GHR: variants seen among roughly 807,000 people sequenced by gnomAD.
GHR encodes growth hormone receptor.
A neutral mutation model predicts 67.1 loss-of-function variants in GHR; 35 were observed. That is an observed-to-expected ratio of 0.52 (90% confidence interval 0.40 to 0.69). The LOEUF is 0.69. GHR is among the 30% of genes least tolerant of loss of function. The pLI is 0.00. For synonymous variants in GHR, 272 were observed against 269.1 expected (o/e 1.01, Z -0.10); for missense variants, 792 against 764.6 (o/e 1.04, Z -0.42).
chr5:42,526,236 T>C (rs563834809), intron 1 of GHR, among the ~76,000 whole-genome samples: 1 of 150,640 alleles, frequency 6.6e-6, no homozygotes, highest in Admixed American at 6.6e-5. Flanking sequence ...AAAGTTTGAG[T>C]GGTCTGGATA....
chr5:42,571,979 C>G (rs1393740285), intron 2 of GHR, among the ~76,000 whole-genome samples: 1 of 152,214 alleles, frequency 6.6e-6, no homozygotes, highest in Non-Finnish European at 1.5e-5. Context: ...TTGGCCTTTA[C>G]TGGCCCAGCC....
At chr5:42,636,367 AAAC>A (rs1347808667) in intron 3 of GHR, among the ~76,000 whole-genome samples, 1 of 152,204 alleles carries the variant, frequency 6.6e-6, no homozygotes, top group Non-Finnish European at 1.5e-5. Flanking sequence ...AATTCAAGAC[AAAC>A]ATTCTTTCAC....
rs540686454 is a variant in GHR, at chr5:42,670,260, A to G, written c.137-18630A>G. ...GATTTTCAACAAAGATACCAAGAAC[A>G]CACAATGGGGAAAGACAGTGTCTTC... On this transcript the variant is annotated intron_variant, in intron 3 of 9. Transcript: ENST00000230882. Among the ~76,000 whole-genome samples, 15 of 152,338 alleles carry G rather than the reference A, an allele frequency of 9.8e-5. No individual in the cohort carries two copies. The East Asian group carries it at 2.9e-3, about 29-fold the overall frequency.
intron 2 of GHR, among the ~76,000 whole-genome samples, chr5:42,598,014 A>G (rs1240896003): frequency 6.6e-6 from 1 of 152,256 alleles, no homozygotes; most frequent in African/African-American, 2.4e-5. Context: ...AAAGGAAAGC[A>G]TGACTTGATT....
At chr5:42,532,278 G>A (rs1018724897) in intron 1 of GHR, among the ~76,000 whole-genome samples, 21 of 152,158 alleles carry the variant, frequency 1.4e-4, no homozygotes, top group African/African-American at 5.1e-4. Flanking sequence ...TTATTTTTCT[G>A]TGTAATATTT....
At chr5:42,468,793 G>C in intron 1 of GHR, 2 of 1,067,558 alleles carry the variant, frequency 1.9e-6, no homozygotes, top group East Asian at 2.5e-5. Flanking sequence ...GAAGGGGTCC[G>C]ATTAGTTGTC....
chr5:42,719,494 C>A lies in GHR; in HGVS notation c.*70C>A. 1 of 1,465,554 alleles carries A rather than the reference C, an allele frequency of 6.8e-7. No homozygotes were observed. Among genetic ancestry groups the A allele is most frequent in the Non-Finnish European group, 9.5e-7 (1 of 1,056,388 alleles). The allele number at this position is 1,465,554 out of a possible 1,614,324, so 90.8% of individuals were successfully genotyped here. A position where few individuals can be genotyped will look rare whatever the true frequency, so the allele number is the denominator to read the frequency against. On this transcript the variant is annotated 3_prime_UTR_variant, in exon 10 of 10. Coordinates refer to ENST00000230882, the MANE Select transcript of GHR (RefSeq NM_000163.5). The stretch of plus-strand genomic sequence containing the variant: ...TTGACTGGGGCAATAACGTTTAAGC[C>A]AAAACAATGTTTAAACCTTTTTTGG...
At chr5:42,464,810 G>C (rs1744656314) in intron 1 of GHR, among the ~76,000 whole-genome samples, 1 of 152,110 alleles carries the variant, frequency 6.6e-6, no homozygotes, top group Non-Finnish European at 1.5e-5. Flanking sequence ...CTATCATTAT[G>C]AGTATCTTCT....
At chr5:42,471,361 T>TA (rs1679039368) in intron 1 of GHR, among the ~76,000 whole-genome samples, 2 of 152,180 alleles carry the variant, frequency 1.3e-5, no homozygotes, top group African/African-American at 4.8e-5. Flanking sequence ...TTAGTAACTT[T>TA]AAAAAATATG....
At chr5:42,425,601 AG>A (rs1742817890) in intron 1 of GHR, among the ~76,000 whole-genome samples, 1 of 152,238 alleles carries the variant, frequency 6.6e-6, no homozygotes, top group Non-Finnish European at 1.5e-5. Context: ...AGCAAAGCTC[AG>A]TGTTTCCAGA....
intron 3 of GHR, among the ~76,000 whole-genome samples, chr5:42,683,254 C>G (rs1191911227): frequency 6.6e-6 from 1 of 152,122 alleles, no homozygotes; most frequent in Non-Finnish European, 1.5e-5. Context: ...CCTACCTCAG[C>G]CTCCCAAAGT....
chr5:42,691,147 C>A (rs77574783), intron 4 of GHR, among the ~76,000 whole-genome samples: 2,653 of 152,250 alleles, frequency 0.017, 139 homozygotes, highest in South Asian at 0.16. Context: ...AGGATCTACA[C>A]TACCAAGGAT....
chr5:42,424,691 C>T lies in GHR; in HGVS notation c.-12+736C>T. On this transcript the variant is annotated intron_variant, in intron 1 of 9. Coordinates refer to ENST00000230882, the MANE Select transcript of GHR (RefSeq NM_000163.5). This position sits in a 1 kb window ranked among gnomAD's most constrained non-coding sequence, Gnocchi z 4.1. The stretch of plus-strand genomic sequence containing the variant: ...AGGCTTAAAGTTTTGACAGAACTGC[C>T]AGAGGCTGCGGGTCAATGGGGTGGC... The T allele has an allele frequency of 8.0e-7, 1 of 1,246,104 alleles. No individual in the cohort carries two copies. Among genetic ancestry groups the T allele is most frequent in the South Asian group, 1.3e-5 (1 of 78,366 alleles). The allele number at this position is 1,246,104 out of a possible 1,614,324, so 77.2% of individuals were successfully genotyped here.
At chr5:42,716,941 T>G (rs1296990985) in intron 8 of GHR, among the ~76,000 whole-genome samples, 1 of 152,210 alleles carries the variant, frequency 6.6e-6, no homozygotes. Flanking sequence ...GTCAGGAGTT[T>G]TTTAAAAAAT....
chr5:42,514,415 T>A, intron 1 of GHR: 6 of 665,022 alleles, frequency 9.0e-6, no homozygotes, highest in Non-Finnish European at 1.1e-5. Context: ...GTTACTTATA[T>A]CTGGGGCTAT....
At chr5:42,464,199 G>GC (rs1744628890) in intron 1 of GHR, among the ~76,000 whole-genome samples, 1 of 151,902 alleles carries the variant, frequency 6.6e-6, no homozygotes, top group Non-Finnish European at 1.5e-5. Context: ...TCAGCTATCT[G>GC]CAAGTGGATG....
chr5:42,576,128 TAAAA>T lies in GHR; in HGVS notation c.70+10185_70+10188del, dbSNP rs1561136016. 1.0e-3 allele frequency among the ~76,000 whole-genome samples: 92 copies of T among 92,060 alleles called. 4 individuals carry two copies. Among genetic ancestry groups the T allele is most frequent in the African/African-American group, 4.2e-3 (89 of 21,160 alleles). 60.4% of individuals were successfully genotyped at this position (92,060 alleles called of 152,430 possible). A position where few individuals can be genotyped will look rare whatever the true frequency, so the allele number is the denominator to read the frequency against. ...TAAAATAAAATAAAATAAAATAAAA[TAAAA>T]TAAAATAAAATAGTAAAGTAAAATA... On this transcript the variant is annotated intron_variant, in intron 2 of 9. Transcript: ENST00000230882.
rs528306556 is a variant in GHR, at chr5:42,680,012, G to A, written c.137-8878G>A. Among the ~76,000 whole-genome samples the A allele has an allele frequency of 6.6e-5, 10 of 152,250 alleles. 1 individual carries two copies. The highest frequency in any genetic ancestry group is 1.4e-4 in the African/African-American group (6 of 41,542). ...CATGCATGTCTCATTCTGTAACATC[G>A]CCTTAACCAAATATAAAGGCTAAAT... is the stretch of plus-strand genomic sequence containing the variant. On this transcript the variant is annotated intron_variant, in intron 3 of 9. Coordinates refer to ENST00000230882, the MANE Select transcript of GHR (RefSeq NM_000163.5).
In GHR at chr5:42,424,157, T is replaced by C. The variant is rs1487798218; in HGVS notation, c.-12+202T>C. 6.8e-6 allele frequency among the ~76,000 whole-genome samples: 1 copy of C among 147,388 alleles called. No homozygotes were observed. The highest frequency in any genetic ancestry group is 6.8e-5 in the Admixed American group (1 of 14,712). ...GAAGTTGTTTTCTGCTGGTGGGTTG[T>C]TGTAACCCAATCTAGTGTGTGTGTG... On this transcript the variant is annotated intron_variant, in intron 1 of 9. Coordinates refer to ENST00000230882, the MANE Select transcript of GHR (RefSeq NM_000163.5). This position sits in a 1 kb window ranked among gnomAD's most constrained non-coding sequence, Gnocchi z 4.1.
Sources: gnomAD v4.1 joint callset for allele counts (sites outside exome capture counted in the v4.1 genomes callset) on GRCh38, gnomAD v4.1.1 for gene constraint, Gnocchi (gnomAD v3.1) non-coding constraint, MANE v1.5 for transcripts, NCBI Gene and HGNC (gene_info 2026-07-23, HGNC 2026-07-21) for gene names.